ELF5: variants seen among roughly 807,000 people sequenced by gnomAD.
The protein encoded by ELF5 is E74 like ETS transcription factor 5.
A neutral mutation model predicts 38.2 loss-of-function variants in ELF5; 31 were observed. The ratio of observed to expected loss-of-function variants is 0.81; its 90% CI spans 0.61 to 1.10. The LOEUF (loss-of-function observed/expected upper bound fraction) is 1.10. Ranked by LOEUF, ELF5 falls within the 50% of genes least tolerant of loss-of-function variation. The pLI is 0.00. For synonymous variants in ELF5, 121 were observed against 112.5 expected, an observed-to-expected ratio of 1.08 and a Z score of -0.48; for missense variants, 300 against 306.6, an observed-to-expected ratio of 0.98 and a Z score of 0.16.
At chr11:34,499,257 T>G (rs1850393488) in intron 2 of ELF5, among the ~76,000 whole-genome samples, 1 of 152,164 alleles carries the variant, frequency 6.6e-6, no homozygotes, top group Admixed American at 6.5e-5. Flanking sequence ...TTTTGGTTTT[T>G]TTGAGACAGG....
chr11:34,505,487 T>C, intron 2 of ELF5, 142 bp downstream of exon 2: 2 of 1,282,418 alleles, frequency 1.6e-6, no homozygotes, highest in Admixed American at 4.9e-5. Flanking sequence ...CTTCCTTCCA[T>C]CCAGGAGCCC....
At chr11:34,512,972 CA>C (rs1850800029) in intron 1 of ELF5, among the ~76,000 whole-genome samples, 1 of 152,120 alleles carries the variant, frequency 6.6e-6, no homozygotes, top group African/African-American at 2.4e-5. Flanking sequence ...TTCGGGCGTA[CA>C]AAAGGCATCC....
chr11:34,500,147 G>C (rs954521546), intron 2 of ELF5, among the ~76,000 whole-genome samples: 1 of 152,188 alleles, frequency 6.6e-6, no homozygotes, highest in Non-Finnish European at 1.5e-5. Context: ...AGTAAAGCAA[G>C]CTCAGGGCTT....
intron 3 of ELF5, among the ~76,000 whole-genome samples, chr11:34,491,161 G>T (rs1333598713): frequency 6.6e-6 from 1 of 152,164 alleles, no homozygotes; most frequent in African/African-American, 2.4e-5. Context: ...GTCAACTGTA[G>T]AATTTATGAT....
intron 3 of ELF5, among the ~76,000 whole-genome samples, chr11:34,491,323 A>G (rs1158327201): frequency 6.6e-6 from 1 of 152,176 alleles, no homozygotes; most frequent in Admixed American, 6.5e-5. Context: ...CAATCCACAT[A>G]TCTGATTGAG....
chr11:34,504,219 C>T (rs1358476633), intron 2 of ELF5, among the ~76,000 whole-genome samples: 2 of 152,242 alleles, frequency 1.3e-5, no homozygotes, highest in Admixed American at 6.5e-5. Flanking sequence ...TCATTTTCCT[C>T]CTTCAGATTT....
intron 4 of ELF5, among the ~76,000 whole-genome samples, chr11:34,487,852 T>G (rs749468822): frequency 3.3e-5 from 5 of 152,148 alleles, no homozygotes; most frequent in Non-Finnish European, 5.9e-5. Context: ...TAATATAACT[T>G]AAGTAATTAA....
chr11:34,507,447 G>A (rs959697145), intron 1 of ELF5, among the ~76,000 whole-genome samples: 5 of 152,244 alleles, frequency 3.3e-5, no homozygotes, highest in Admixed American at 2.0e-4. Context: ...GGTGGCTCAG[G>A]TGTGTCTGTT....
chr11:34,505,685 G>T lies in ELF5; in HGVS notation c.65C>A (p.Ser22Ter). The change falls in exon 2 of 7, where the codon TCG becomes TAG. Residue 22 changes from serine to a stop codon, truncating the protein, a stop_gained. Coordinates refer to ENST00000257832, the MANE Select transcript of ELF5 (RefSeq NM_001422.4). LOFTEE classifies it high-confidence loss of function. Reference sequence around the variant, plus strand: ...TTCATTGCTGAACAGATCAGTCCACGACATCAGGGGATCGCAGAAGGATGC... The same window carrying T: ...TTCATTGCTGAACAGATCAGTCCACTACATCAGGGGATCGCAGAAGGATGC... The part of the protein sequence containing the change: ...PNASFCDPLM[S>*]WTDLFSNEEY... 1.2e-6 allele frequency: 2 copies of T among 1,614,094 alleles called. No homozygotes were observed. The highest frequency in any genetic ancestry group is 1.7e-6 in the Non-Finnish European group (2 of 1,179,984).
intron 2 of ELF5, among the ~76,000 whole-genome samples, chr11:34,502,370 G>C (rs1255474948): frequency 6.6e-6 from 1 of 152,228 alleles, no homozygotes; most frequent in Non-Finnish European, 1.5e-5. Context: ...ATGGAGCAGG[G>C]AAAGTTGGCT....
At chr11:34,483,048 G>A (rs1430607295) in intron 4 of ELF5, among the ~76,000 whole-genome samples, 1 of 151,760 alleles carries the variant, frequency 6.6e-6, no homozygotes, top group Admixed American at 6.6e-5. Flanking sequence ...GCTCACACTC[G>A]TCTCCACCGC....
At position 34,480,924 on chromosome 11, in the gene ELF5, A is replaced by G. The variant is rs1856927015; in HGVS notation, c.519T>C (p.Leu173=). The change falls in exon 6 of 7, where the codon CTT becomes CTC. Residue 173 remains leucine (L), a synonymous_variant. Coordinates refer to ENST00000257832, the MANE Select transcript of ELF5 (RefSeq NM_001422.4). The part of the protein sequence containing the change: ...SHLWEFVRDL[L]LSPEENCGIL... ...TGCCACAGTTTTCTTCAGGAGATAG[A>G]AGCAGGTCTCGTACAAATTCCCATA... 3 of 1,614,136 alleles carry G rather than the reference A, an allele frequency of 1.9e-6. No individual in the cohort carries two copies. Among genetic ancestry groups the G allele is most frequent in the Non-Finnish European group, 2.5e-6 (3 of 1,180,024 alleles).
At chr11:34,510,623 G>T (rs1024756933) in intron 1 of ELF5, among the ~76,000 whole-genome samples, 9 of 152,190 alleles carry the variant, frequency 5.9e-5, no homozygotes, top group Non-Finnish European at 1.2e-4. Context: ...GTTAGGCCAG[G>T]CCTGCTCAAG....
chr11:34,511,753 C>A lies in ELF5; in HGVS notation c.-5+1924G>T, dbSNP rs796156044. 3.8e-5 allele frequency: 24 copies of A among 639,946 alleles called. No individual in the cohort carries two copies. The South Asian group carries it at 4.3e-4, about 12-fold the overall frequency. 39.6% of individuals were successfully genotyped at this position (639,946 alleles called of 1,614,324 possible). A position where few individuals can be genotyped will look rare whatever the true frequency, so the allele number is the denominator to read the frequency against. ...TCCCATGGCCTGAGCAACCCGGCAC[C>A]CCTGCTCAGCCTCCCAGAGAGAGGG... On this transcript the variant is annotated intron_variant, in intron 1 of 6. Transcript: ENST00000257832.
chr11:34,493,293 C>T (rs185702081), intron 3 of ELF5, 186 bp downstream of exon 3: 52 of 635,712 alleles, frequency 8.2e-5, no homozygotes, highest in Non-Finnish European at 1.1e-4. Flanking sequence ...TTTTGTAACT[C>T]GCTCCCTTTT....
chr11:34,483,019 C>A, intron 4 of ELF5, among the ~76,000 whole-genome samples: 1 of 151,946 alleles, frequency 6.6e-6, no homozygotes, highest in East Asian at 1.9e-4. Flanking sequence ...AAAATGGTGG[C>A]ACCAGATCTG....
At chr11:34,482,142 G>A (rs577720063) in intron 5 of ELF5, among the ~76,000 whole-genome samples, 2 of 152,272 alleles carry the variant, frequency 1.3e-5, no homozygotes, top group Middle Eastern at 3.4e-3. Flanking sequence ...TCACAACTAC[G>A]ATCATGTCTT....
At chr11:34,509,914 C>A (rs1047041366) in intron 1 of ELF5, among the ~76,000 whole-genome samples, 5 of 151,938 alleles carry the variant, frequency 3.3e-5, no homozygotes, top group Non-Finnish European at 5.9e-5. Context: ...ATAAGGAATC[C>A]ATCAAATACA....
At chr11:34,482,217 T>C (rs1377597154) in intron 5 of ELF5, among the ~76,000 whole-genome samples, 1 of 152,254 alleles carries the variant, frequency 6.6e-6, no homozygotes, top group Non-Finnish European at 1.5e-5. Flanking sequence ...TAGCGTTTGC[T>C]ATTGTCAGAT....
Sources: allele counts gnomAD v4.1 joint callset (sites outside exome capture counted in the v4.1 genomes callset), GRCh38; gene constraint gnomAD v4.1.1; transcripts MANE v1.5; gene names NCBI Gene and HGNC (gene_info 2026-07-23, HGNC 2026-07-21).